EML5: variants seen among roughly 807,000 people sequenced by gnomAD.
EML5 encodes the protein echinoderm microtubule-associated protein-like 5.
In EML5, 120 loss-of-function variants were observed where a neutral mutation model predicts 250.0. That is an observed-to-expected ratio of 0.48 (90% CI 0.41 to 0.56). The LOEUF (loss-of-function observed/expected upper bound fraction) is 0.56. Ranked by LOEUF, EML5 falls within the 20% of genes least tolerant of loss-of-function variation. The pLI is 0.00. For synonymous variants in EML5, 771 were observed against 806.5 expected (o/e 0.96, Z 0.75); for missense variants, 2,006 against 2,437.6 (o/e 0.82, Z 3.73).
chr14:88,633,651 T>C (rs912940002), intron 33 of EML5, among the ~76,000 whole-genome samples: 2 of 152,214 alleles, frequency 1.3e-5, no homozygotes, highest in Non-Finnish European at 2.9e-5. Flanking sequence ...GTGTCATCTA[T>C]AGCCTCTGTA....
chr14:88,738,255 A>T (rs1039895402), intron 6 of EML5, among the ~76,000 whole-genome samples: 2 of 152,172 alleles, frequency 1.3e-5, no homozygotes, highest in African/African-American at 4.8e-5. Context: ...ATCCTAAATA[A>T]TATATTTATT....
rs147955950 is a variant in EML5 at position 88,778,087 on chromosome 14, T to C, written c.197+14220A>G. 1.3e-3 allele frequency among the ~76,000 whole-genome samples: 195 copies of C among 152,272 alleles called. 1 individual carries two copies. The highest frequency in any genetic ancestry group is 4.2e-3 in the African/African-American group (174 of 41,544). ...GTTGTTATCAGCTTAAAATAATGGA[T>C]GATAGTATTTGCAAGTCTCATGGTA... On this transcript the variant is annotated intron_variant, in intron 1 of 43. Coordinates refer to ENST00000554922, the MANE Select transcript of EML5 (RefSeq NM_183387.3).
intron 1 of EML5, among the ~76,000 whole-genome samples, chr14:88,774,792 T>C (rs2094431527): frequency 6.6e-6 from 1 of 152,222 alleles, no homozygotes; most frequent in South Asian, 2.1e-4. Context: ...GTTCATGGCT[T>C]TAAATACTGT....
At chr14:88,676,077 A>C (rs149685212) in intron 21 of EML5, among the ~76,000 whole-genome samples, 4 of 152,062 alleles carry the variant, frequency 2.6e-5, no homozygotes, top group Non-Finnish European at 5.9e-5. Flanking sequence ...ACATTTTCCT[A>C]TCTGCTTCTG....
chr14:88,724,265 C>G (rs1001300391), intron 8 of EML5, among the ~76,000 whole-genome samples: 1 of 135,752 alleles, frequency 7.4e-6, no homozygotes, highest in Non-Finnish European at 1.5e-5. Context: ...CAGAGCAAGA[C>G]TCCATATCAA....
At chr14:88,741,122 C>T (rs61983297) in intron 4 of EML5, among the ~76,000 whole-genome samples, 36,782 of 151,884 alleles carry the variant, frequency 0.24, 4,618 homozygotes, top group East Asian at 0.38. Context: ...AAGAGTGTAC[C>T]ACTGCACTCC....
In EML5 at chr14:88,625,489, C is replaced by T. The variant is rs550166658; in HGVS notation, c.4741-362G>A. On this transcript the variant is annotated intron_variant, in intron 35 of 43. Transcript: ENST00000554922. ...CGATCTCAGCTCACCACAACCTCTG[C>T]TTCCCAGGTTCAAGTGATTCTCCTG... 24 of 160,090 alleles carry T rather than the reference C, an allele frequency of 1.5e-4. No individual in the cohort carries two copies. In the East Asian group the frequency reaches 2.6e-3, roughly 17 times the overall value. The allele number at this position is 160,090 out of a possible 1,614,324, so 9.9% of individuals were successfully genotyped here.
intron 31 of EML5, among the ~76,000 whole-genome samples, chr14:88,640,010 T>C (rs1230339511): frequency 2.6e-5 from 4 of 152,078 alleles, no homozygotes; most frequent in Admixed American, 2.0e-4. Flanking sequence ...GGAAGTAAAA[T>C]GAAGAGGTGG....
At chr14:88,649,842 T>G (rs2091536543) in intron 28 of EML5, 70 bp downstream of exon 28, 2 of 1,272,206 alleles carry the variant, frequency 1.6e-6, no homozygotes, top group East Asian at 5.2e-5. Context: ...AAAAATACCT[T>G]AAAATACCAT....
At position 88,688,449 on chromosome 14, in the gene EML5, C is replaced by G. The variant is rs770580575; in HGVS notation, c.2564G>C (p.Gly855Ala). The G allele has an allele frequency of 6.2e-7, 1 of 1,613,890 alleles. No homozygotes were observed. Among genetic ancestry groups the G allele is most frequent in the Non-Finnish European group, 8.5e-7 (1 of 1,179,882 alleles). ...KAGGGLIGRKGYIGTLGKNDT... is the reference protein window; with the variant it reads ...KAGGGLIGRKAYIGTLGKNDT... ...ATTTTTCCCCAGTGTGCCTATGTAG[C>G]CTTTTCTTCCAATCAATCCTCCCCC... The change falls in exon 18 of 44, where the codon GGC becomes GCC. Residue 855 changes from glycine (G) to alanine (A), a missense_variant. Gly to Ala is a moderately conservative substitution (Grantham distance 60). Around this residue, in one of 7 missense-constraint regions of EML5, gnomAD observed 1,375 missense variants for 1,590.3 expected, o/e 0.86. Coordinates refer to ENST00000554922, the MANE Select transcript of EML5 (RefSeq NM_183387.3).
chr14:88,699,626 T>A (rs2093162707), intron 14 of EML5, among the ~76,000 whole-genome samples: 1 of 152,088 alleles, frequency 6.6e-6, no homozygotes, highest in Non-Finnish European at 1.5e-5. Context: ...GCTATAGTAA[T>A]GTTTTAGAAA....
At chr14:88,654,639 G>C (rs866987465) in intron 27 of EML5, among the ~76,000 whole-genome samples, 2 of 152,296 alleles carry the variant, frequency 1.3e-5, no homozygotes, top group Non-Finnish European at 1.5e-5. Flanking sequence ...ACTATGGTTT[G>C]AGAGACTGTT....
At chr14:88,666,007 G>A (rs924817997) in intron 21 of EML5, among the ~76,000 whole-genome samples, 2 of 152,070 alleles carry the variant, frequency 1.3e-5, no homozygotes, top group African/African-American at 4.8e-5. Context: ...TTCTATAGAA[G>A]TCAATGGTAT....
At position 88,736,369 on chromosome 14, in the gene EML5, C is replaced by A. The variant is rs370157734; in HGVS notation, c.1044G>T (p.Ser348=). 1.3e-4 allele frequency: 217 copies of A among 1,613,874 alleles called. No individual in the cohort carries two copies. In the African/African-American group the frequency reaches 2.7e-3, roughly 20 times the overall value. ...PLAVTGSDDR[S]VRIWSLVDHA... ...TTAGTTTATAATTTGCTTACCTGAC[C>A]GAACGATCATCACTTCCAGTCACAG... Residue 348 remains serine, a synonymous_variant, in exon 7 of 44, where the codon TCG becomes TCT. Transcript: ENST00000554922.
chr14:88,639,575 T>G (rs969097769), intron 31 of EML5, among the ~76,000 whole-genome samples: 6 of 152,116 alleles, frequency 3.9e-5, no homozygotes, highest in African/African-American at 1.4e-4. Flanking sequence ...GAGGAAGAAC[T>G]GCAATCTGTT....
At chr14:88,636,038 T>C (rs1193451235) in intron 32 of EML5, among the ~76,000 whole-genome samples, 2 of 152,156 alleles carry the variant, frequency 1.3e-5, no homozygotes, top group Non-Finnish European at 2.9e-5. Context: ...GTGGTATCTG[T>C]CATGGCAGCT....
At chr14:88,658,942 T>C (rs2091969276) in intron 25 of EML5, among the ~76,000 whole-genome samples, 1 of 152,170 alleles carries the variant, frequency 6.6e-6, no homozygotes, top group Admixed American at 6.5e-5. Flanking sequence ...AAAGTAACTA[T>C]CGATTGATTG....
rs376830332 is a variant in EML5, at chr14:88,618,830, G to C, written c.5376-18C>G. The stretch of plus-strand genomic sequence containing the variant: ...GACTAAATCTGAATCAAAACAAAAC[G>C]TAAAAAGTATTAGACCACATGAAGT... On this transcript the variant is annotated intron_variant, in intron 39 of 43. Coordinates refer to ENST00000554922, the MANE Select transcript of EML5 (RefSeq NM_183387.3). 6.4e-7 allele frequency: 1 copy of C among 1,555,428 alleles called. No individual in the cohort carries two copies. Among genetic ancestry groups the C allele is most frequent in the South Asian group, 1.2e-5 (1 of 83,498 alleles).
chr14:88,677,351 TA>T (rs765050868), intron 21 of EML5, among the ~76,000 whole-genome samples: 2 of 152,102 alleles, frequency 1.3e-5, no homozygotes, highest in Non-Finnish European at 2.9e-5. Flanking sequence ...ATAAAAACCC[TA>T]GAAGAAAATC....
Sources: allele counts gnomAD v4.1 joint callset (sites outside exome capture counted in the v4.1 genomes callset), GRCh38; gene constraint gnomAD v4.1.1; regional missense constraint gnomAD v4.1.1; transcripts MANE v1.5; gene names NCBI Gene and HGNC (gene_info 2026-07-23, HGNC 2026-07-21).